Variants in ZMAT4 observed in about 807,000 individuals in gnomAD.
ZMAT4 encodes zinc finger matrin-type protein 4.
In ZMAT4, 17 loss-of-function variants were observed where a neutral mutation model predicts 28.7. The ratio of observed to expected loss-of-function variants is 0.59; its 90% CI spans 0.41 to 0.89. ZMAT4 has a LOEUF of 0.89. Among genes scored for constraint, ZMAT4 ranks in the 40% least tolerant of loss-of-function variants. The probability of loss-of-function intolerance (pLI) is 0.00; values close to 1 mark genes in which losing one functional copy is unlikely to be tolerated. For synonymous variants in ZMAT4, 117 were observed against 109.2 expected, an observed-to-expected ratio of 1.07 and a Z score of -0.44; for missense variants, 240 against 283.8, an observed-to-expected ratio of 0.85 and a Z score of 1.11.
At chr8:40,568,840 T>C (rs1308509497) in intron 6 of ZMAT4, among the ~76,000 whole-genome samples, 1 of 152,166 alleles carries the variant, frequency 6.6e-6, no homozygotes, top group African/African-American at 2.4e-5. Flanking sequence ...CCTTTCTTGA[T>C]GGCTCCAGGC....
intron 3 of ZMAT4, among the ~76,000 whole-genome samples, chr8:40,763,511 A>C (rs1429977025): frequency 2.0e-5 from 3 of 152,080 alleles, no homozygotes; most frequent in Non-Finnish European, 4.4e-5. Context: ...GCCAGCCACT[A>C]TTTTTACCCT....
At chr8:40,632,477 T>C (rs997767661) in intron 5 of ZMAT4, among the ~76,000 whole-genome samples, 2 of 152,140 alleles carry the variant, frequency 1.3e-5, no homozygotes, top group Non-Finnish European at 1.5e-5. Context: ...TTTCAGGACC[T>C]CAGATGTAAT....
chr8:40,674,929 T>A lies in ZMAT4; in HGVS notation c.352A>T (p.Thr118Ser), dbSNP rs1431010158. ...GEKTPLKTTA[T>S]PLSPLKPPRM... ...GGGGGCTTAAGTGGGCTCAGGGGTGTTGCTGTGAAAGGAAACAACCAGAGA... is the reference window on the plus strand; with the variant it reads ...GGGGGCTTAAGTGGGCTCAGGGGTGATGCTGTGAAAGGAAACAACCAGAGA... The change falls in exon 5 of 7, where the codon ACA (threonine) becomes TCA (serine). Residue 118 changes from threonine to serine, a missense_variant and splice_region_variant. Physicochemically the swap from Thr to Ser is moderately conservative, Grantham distance 58. Transcript: ENST00000297737. 1 of 1,610,772 alleles carries A rather than the reference T, an allele frequency of 6.2e-7. No individual in the cohort carries two copies. The highest frequency in any genetic ancestry group is 8.5e-7 in the Non-Finnish European group (1 of 1,178,992).
intron 2 of ZMAT4, among the ~76,000 whole-genome samples, chr8:40,805,806 G>A (rs7462698): frequency 0.58 from 73,111 of 126,598 alleles, 21,118 homozygotes; most frequent in East Asian, 0.66. Context: ...GGGGGAGGGG[G>A]GAGGGATGGC....
At chr8:40,892,089 T>C (rs1277535400) in intron 1 of ZMAT4, among the ~76,000 whole-genome samples, 1 of 152,148 alleles carries the variant, frequency 6.6e-6, no homozygotes, top group Non-Finnish European at 1.5e-5. Flanking sequence ...GGGCCACCAC[T>C]CCACCCTCCC....
At chr8:40,738,174 G>A (rs542802457) in intron 3 of ZMAT4, among the ~76,000 whole-genome samples, 2 of 152,184 alleles carry the variant, frequency 1.3e-5, no homozygotes, top group African/African-American at 4.8e-5. Flanking sequence ...TAATACAGAA[G>A]AGGTACCAGG....
chr8:40,675,423 T>C (rs1179771167), intron 4 of ZMAT4, among the ~76,000 whole-genome samples: 1 of 152,008 alleles, frequency 6.6e-6, no homozygotes, highest in Non-Finnish European at 1.5e-5. Flanking sequence ...ACTTGAGCAA[T>C]AACTTAATTT....
At chr8:40,567,129 C>T (rs7012071) in intron 6 of ZMAT4, among the ~76,000 whole-genome samples, 123 of 152,038 alleles carry the variant, frequency 8.1e-4, no homozygotes, top group Admixed American at 1.6e-3. Context: ...ACAATAGCAC[C>T]AGAGGCCGTA....
At chr8:40,858,943 T>A (rs1294704914) in intron 1 of ZMAT4, among the ~76,000 whole-genome samples, 1 of 152,238 alleles carries the variant, frequency 6.6e-6, no homozygotes, top group Admixed American at 6.5e-5. Flanking sequence ...AAGCATGTCC[T>A]GTCATCCTCT....
intron 3 of ZMAT4, among the ~76,000 whole-genome samples, chr8:40,761,445 G>T (rs962963126): frequency 6.6e-6 from 1 of 151,872 alleles, no homozygotes; most frequent in African/African-American, 2.4e-5. Context: ...CAGGCGCCCC[G>T]TCATGGTACA....
At chr8:40,687,366 G>C (rs1020827237) in intron 4 of ZMAT4, among the ~76,000 whole-genome samples, 1 of 152,104 alleles carries the variant, frequency 6.6e-6, no homozygotes, top group Non-Finnish European at 1.5e-5. Flanking sequence ...TGACTGTCCC[G>C]GGGAGGGCGG....
At chr8:40,861,304 G>T (rs982540460) in intron 1 of ZMAT4, among the ~76,000 whole-genome samples, 1 of 152,146 alleles carries the variant, frequency 6.6e-6, no homozygotes. Context: ...TGACAAACCT[G>T]ACAAAAACAA....
chr8:40,769,192 T>C (rs1813288310), intron 2 of ZMAT4, among the ~76,000 whole-genome samples: 1 of 152,212 alleles, frequency 6.6e-6, no homozygotes, highest in Non-Finnish European at 1.5e-5. Context: ...AGAAATATAT[T>C]GTCAACACTT....
intron 5 of ZMAT4, among the ~76,000 whole-genome samples, chr8:40,650,239 G>T (rs1409198729): frequency 2.0e-5 from 3 of 151,802 alleles, no homozygotes; most frequent in Non-Finnish European, 4.4e-5. Flanking sequence ...AATGATAAAG[G>T]GGATATCACC....
At chr8:40,768,476 T>C (rs971081457) in intron 2 of ZMAT4, among the ~76,000 whole-genome samples, 3 of 152,150 alleles carry the variant, frequency 2.0e-5, no homozygotes, top group Admixed American at 6.5e-5. Flanking sequence ...CGGATTCCCA[T>C]CACGTTTAAA....
chr8:40,820,116 T>C (rs1815694641), intron 2 of ZMAT4, among the ~76,000 whole-genome samples: 1 of 151,680 alleles, frequency 6.6e-6, no homozygotes, highest in Admixed American at 6.6e-5. Context: ...CAAAAACCCA[T>C]GCATAACATT....
intron 6 of ZMAT4, among the ~76,000 whole-genome samples, chr8:40,576,600 C>A (rs1303122225): frequency 6.6e-6 from 1 of 150,434 alleles, no homozygotes; most frequent in Non-Finnish European, 1.5e-5. Context: ...AATGAAGTTC[C>A]CAAACAAGCA....
intron 1 of ZMAT4, among the ~76,000 whole-genome samples, chr8:40,842,066 C>T (rs980899980): frequency 5.3e-5 from 8 of 152,202 alleles, no homozygotes; most frequent in Non-Finnish European, 1.5e-5. Context: ...AGTATTAGGT[C>T]TTCCCTCCCC....
intron 2 of ZMAT4, among the ~76,000 whole-genome samples, chr8:40,825,133 G>A (rs1423692520): frequency 6.6e-6 from 1 of 151,964 alleles, no homozygotes; most frequent in Non-Finnish European, 1.5e-5. Flanking sequence ...GGAGGAAGTG[G>A]CCCACGGCTG....
Sources: allele counts gnomAD v4.1 joint callset (sites outside exome capture counted in the v4.1 genomes callset), GRCh38; gene constraint gnomAD v4.1.1; transcripts MANE v1.5; gene names NCBI Gene and HGNC (gene_info 2026-07-23, HGNC 2026-07-21).